Variants in TAF4 observed in about 807,000 individuals in gnomAD.
TAF4 encodes the protein TATA-box binding protein associated factor 4, also known as transcription initiation factor TFIID subunit 4.
A neutral mutation model predicts 90.3 loss-of-function variants in TAF4; 9 were observed. That is an observed-to-expected ratio of 0.10 (90% confidence interval 0.06 to 0.17). TAF4 has a LOEUF of 0.17. Ranked by LOEUF, TAF4 falls within the 10% of genes least tolerant of loss-of-function variation. The pLI is 1.00. For missense variants in TAF4, 1,351 were observed against 1,370.7 expected, an observed-to-expected ratio of 0.99 and a Z score of 0.23; for synonymous variants, 818 against 638.9, an observed-to-expected ratio of 1.28 and a Z score of -4.23.
At chr20:62,044,942 A>C (rs1329057084) in intron 1 of TAF4, among the ~76,000 whole-genome samples, 1 of 152,216 alleles carries the variant, frequency 6.6e-6, no homozygotes, top group South Asian at 2.1e-4. Flanking sequence ...GGCCAGGAGG[A>C]GACCCATGGG....
intron 14 of TAF4, among the ~76,000 whole-genome samples, chr20:61,985,800 C>T (rs1184942648): frequency 1.3e-5 from 2 of 151,838 alleles, no homozygotes. Context: ...TGTGCACATG[C>T]CCCAGTCCAC....
At chr20:62,042,004 G>A (rs999387280) in intron 1 of TAF4, among the ~76,000 whole-genome samples, 2 of 152,050 alleles carry the variant, frequency 1.3e-5, no homozygotes, top group African/African-American at 4.8e-5. Flanking sequence ...ATACTGGGTA[G>A]AAGAGGGCAA....
intron 14 of TAF4, among the ~76,000 whole-genome samples, chr20:61,978,624 C>CG (rs1482259161): frequency 1.5e-5 from 2 of 134,646 alleles, no homozygotes; most frequent in African/African-American, 2.8e-5. Flanking sequence ...CAACCAAGGC[C>CG]GGGGGCAAGA....
At chr20:62,032,475 A>G (rs2055909728) in intron 1 of TAF4, among the ~76,000 whole-genome samples, 1 of 152,356 alleles carries the variant, frequency 6.6e-6, no homozygotes, top group East Asian at 1.9e-4. Context: ...CAAGAAGAGG[A>G]GCTCGGGGCC....
At chr20:62,001,106 G>C (rs1275542788) in intron 9 of TAF4, among the ~76,000 whole-genome samples, 2 of 152,224 alleles carry the variant, frequency 1.3e-5, no homozygotes, top group East Asian at 3.8e-4. Context: ...TGGAAGAAGA[G>C]TACGCACAAT....
Position 62,010,200 on chromosome 20 carries a change from T to C in TAF4, c.1642-35A>G. ...TCCAAAAACACAAGGTAAGGGCATC[T>C]CACGCCACCAGCTGACGAGGGGGAG... On this transcript the variant is annotated intron_variant, in intron 3 of 14. Coordinates refer to ENST00000252996, the MANE Select transcript of TAF4 (RefSeq NM_003185.4). This position sits in a 1 kb window ranked among gnomAD's most constrained non-coding sequence, Gnocchi z 4.5. 3 of 1,612,662 alleles carry C rather than the reference T, an allele frequency of 1.9e-6. No individual in the cohort carries two copies. The highest frequency in any genetic ancestry group is 1.7e-5 in the Admixed American group (1 of 59,990).
chr20:61,990,345 A>G (rs994139910), intron 14 of TAF4, among the ~76,000 whole-genome samples: 1 of 152,236 alleles, frequency 6.6e-6, no homozygotes, highest in Admixed American at 6.5e-5. Context: ...TCAAACTAAA[A>G]TAAGTAATTT....
At chr20:61,977,457 A>G (rs2055502917) in intron 14 of TAF4, among the ~76,000 whole-genome samples, 1 of 152,194 alleles carries the variant, frequency 6.6e-6, no homozygotes, top group South Asian at 2.1e-4. Context: ...TGCCAGTGGG[A>G]GCCTTGCTGT....
chr20:62,035,224 A>G lies in TAF4; in HGVS notation c.1361-20517T>C, dbSNP rs548343076. Among the ~76,000 whole-genome samples, 18 of 152,380 alleles carry G rather than the reference A, an allele frequency of 1.2e-4. No homozygotes were observed. In the South Asian group the frequency reaches 3.3e-3, roughly 28 times the overall value. On this transcript the variant is annotated intron_variant, in intron 1 of 14. Transcript: ENST00000252996. ...CCCCGAAGAGTTGATTCTAAAATTTATAAGGAAGATCAAAGTGCCAAGAGT... is the reference window on the plus strand; with the variant it reads ...CCCCGAAGAGTTGATTCTAAAATTTGTAAGGAAGATCAAAGTGCCAAGAGT...
intron 1 of TAF4, among the ~76,000 whole-genome samples, chr20:62,022,200 T>C (rs1351268904): frequency 6.6e-6 from 1 of 152,162 alleles, no homozygotes; most frequent in Non-Finnish European, 1.5e-5. Context: ...ATGGTTTCTG[T>C]CCAGGAAAAC....
chr20:62,057,513 G>A (rs144326933), intron 1 of TAF4, among the ~76,000 whole-genome samples: 32 of 152,306 alleles, frequency 2.1e-4, no homozygotes, highest in Non-Finnish European at 2.9e-4. Context: ...ACCTGGCTAC[G>A]CTCCTCTCAC....
chr20:62,006,803 G>A lies in TAF4; in HGVS notation c.1975-45C>T, dbSNP rs753986327. 4.4e-5 allele frequency: 62 copies of A among 1,421,718 alleles called. No individual in the cohort carries two copies. The highest frequency in any genetic ancestry group is 7.9e-5 in the East Asian group (3 of 38,050). The allele number at this position is 1,421,718 out of a possible 1,614,324, so 88.1% of individuals were successfully genotyped here. A position where few individuals can be genotyped will look rare whatever the true frequency, so the allele number is the denominator to read the frequency against. ...CGAGGGGTCAGGCGGCTGCTCATGC[G>A]TCGGTTTTCCTTGCTTAAAAATTCA... On this transcript the variant is annotated intron_variant, in intron 6 of 14. Coordinates refer to ENST00000252996, the MANE Select transcript of TAF4 (RefSeq NM_003185.4). The surrounding 1 kb of genome is among the most constrained non-coding windows in gnomAD (Gnocchi z 7.0).
At chr20:62,008,202 G>A (rs1386801437) in intron 5 of TAF4, 1 of 152,722 alleles carries the variant, frequency 6.5e-6, no homozygotes, top group Non-Finnish European at 1.5e-5. Context: ...TTCAGAAACA[G>A]AGGCCAGTGT....
intron 1 of TAF4, among the ~76,000 whole-genome samples, chr20:62,052,943 C>T (rs1017627937): frequency 6.6e-6 from 1 of 151,196 alleles, no homozygotes; most frequent in Non-Finnish European, 1.5e-5. Context: ...CCATTTCCTT[C>T]ACACCATACC....
intron 8 of TAF4, 111 bp downstream of exon 8, chr20:62,003,619 TG>T: frequency 7.6e-7 from 1 of 1,312,116 alleles, no homozygotes. Flanking sequence ...ATACTTAAAA[TG>T]GCCAATTTTA....
intron 1 of TAF4, among the ~76,000 whole-genome samples, chr20:62,043,618 C>T (rs2055976171): frequency 6.6e-6 from 1 of 152,134 alleles, no homozygotes; most frequent in South Asian, 2.1e-4. Flanking sequence ...CACAGATGCA[C>T]CATTTTTCAT....
chr20:62,008,904 G>A (rs1015237966), intron 5 of TAF4, 148 bp downstream of exon 5: 10 of 1,101,484 alleles, frequency 9.1e-6, no homozygotes, highest in South Asian at 3.7e-5. Flanking sequence ...CCTTCGACAC[G>A]TGTGCACCCC....
At chr20:62,050,272 C>T (rs547512193) in intron 1 of TAF4, among the ~76,000 whole-genome samples, 199 of 152,246 alleles carry the variant, frequency 1.3e-3, no homozygotes, top group African/African-American at 4.4e-3. Flanking sequence ...TCCTCCCCTC[C>T]AGGGTCCCGG....
chr20:61,998,958 G>A (rs1383974325), intron 12 of TAF4, 25 bp downstream of exon 12: 1 of 1,610,190 alleles, frequency 6.2e-7, no homozygotes, highest in Admixed American at 1.7e-5. Flanking sequence ...TGCCCAGACG[G>A]CAGCAGCAGA....
Sources: allele counts gnomAD v4.1 joint callset (sites outside exome capture counted in the v4.1 genomes callset), GRCh38; gene constraint gnomAD v4.1.1; non-coding constraint Gnocchi (gnomAD v3.1); transcripts MANE v1.5; gene names NCBI Gene and HGNC (gene_info 2026-07-23, HGNC 2026-07-21).